UBXN2A: variants seen among roughly 807,000 people sequenced by gnomAD.
UBXN2A encodes the protein UBX domain-containing protein 2A.
A neutral mutation model predicts 28.4 loss-of-function variants in UBXN2A; 28 were observed. That is an observed-to-expected ratio of 0.99 (90% CI 0.73 to 1.35). UBXN2A has a LOEUF of 1.35. UBXN2A is among the 40% of genes most tolerant of loss of function. UBXN2A has a pLI of 0.00. For missense variants in UBXN2A, 253 were observed against 297.9 expected (o/e 0.85, Z 1.11); for synonymous variants, 97 against 103.6 (o/e 0.94, Z 0.39).
chr2:23,976,176 T>G (rs1707655206), intron 3 of UBXN2A, among the ~76,000 whole-genome samples: 1 of 152,214 alleles, frequency 6.6e-6, no homozygotes, highest in Non-Finnish European at 1.5e-5. Flanking sequence ...GTTATTTATA[T>G]CTGTAAAAGT....
At chr2:23,966,745 C>G (rs1707195109) in intron 2 of UBXN2A, among the ~76,000 whole-genome samples, 1 of 136,258 alleles carries the variant, frequency 7.3e-6, no homozygotes, top group Middle Eastern at 3.6e-3. Flanking sequence ...GCCACCGCGC[C>G]CGGCCTTTTT....
At chr2:23,986,176 G>C (rs538551462) in intron 6 of UBXN2A, among the ~76,000 whole-genome samples, 1 of 151,952 alleles carries the variant, frequency 6.6e-6, no homozygotes. Context: ...CGGGCGTGGT[G>C]GTGGGCGCCT....
rs911438707 is a variant in UBXN2A, at chr2:24,000,053, T to C, written c.*186T>C. ...GAAAGTAGCATATGACTGGAAACTA[T>C]ATTCAGTGCACTTTCTCCAAAAGAC... is the stretch of plus-strand genomic sequence containing the variant. On this transcript the variant is annotated 3_prime_UTR_variant, in exon 7 of 7. Coordinates refer to ENST00000309033, the MANE Select transcript of UBXN2A (RefSeq NM_181713.4). The C allele has an allele frequency of 2.8e-5, 16 of 567,228 alleles. No homozygotes were observed. Among genetic ancestry groups the C allele is most frequent in the Non-Finnish European group, 4.6e-5 (15 of 329,086 alleles). The allele number at this position is 567,228 out of a possible 1,614,324, so 35.1% of individuals were successfully genotyped here.
intron 4 of UBXN2A, among the ~76,000 whole-genome samples, chr2:23,979,929 TAA>T (rs1259881209): frequency 6.9e-6 from 1 of 145,926 alleles, no homozygotes. Context: ...TTTATTTATG[TAA>T]AAAAAAAAAC....
At position 23,971,180 on chromosome 2, in the gene UBXN2A, G is replaced by T. The variant is rs116026861; in HGVS notation, c.42-96G>T. On this transcript the variant is annotated intron_variant, in intron 2 of 6. Transcript: ENST00000309033. ...GAGGGCCTGAACTACAGACATGCAC[G>T]TAGCATCTAAGTTCAATATCCTTAA... 1.8e-3 allele frequency: 2,344 copies of T among 1,325,368 alleles called. 21 individuals carry two copies. The African/African-American group carries it at 0.02, about 11-fold the overall frequency. 82.1% of individuals were successfully genotyped at this position (1,325,368 alleles called of 1,614,324 possible).
Position 23,990,773 on chromosome 2 carries a change from C to CA in UBXN2A, c.584+5957dup, listed in dbSNP as rs765874247. The stretch of plus-strand genomic sequence containing the variant: ...TGGGTGACAGAGTGAGACTCCATCT[C>CA]AAAAAAAAAAAAAAAGTATTTGCTA... On this transcript the variant is annotated intron_variant, in intron 6 of 6. Transcript: ENST00000309033. Among the ~76,000 whole-genome samples, 514 of 99,688 alleles carry CA rather than the reference C, an allele frequency of 5.2e-3. 5 individuals are homozygous for CA. Among genetic ancestry groups the CA allele is most frequent in the Middle Eastern group, 0.04 (7 of 174 alleles). The allele number at this position is 99,688 out of a possible 152,430, so 65.4% of individuals were successfully genotyped here.
At chr2:23,986,242 G>A (rs1395024552) in intron 6 of UBXN2A, among the ~76,000 whole-genome samples, 5 of 151,776 alleles carry the variant, frequency 3.3e-5, no homozygotes, top group Admixed American at 6.6e-5. Context: ...CCCGGAAGGC[G>A]GAGCTTGCAG....
intron 6 of UBXN2A, 137 bp downstream of exon 6, chr2:23,984,968 CAT>C (rs1431570232): frequency 3.1e-5 from 26 of 849,558 alleles, no homozygotes; most frequent in Non-Finnish European, 1.7e-6. Flanking sequence ...GTGGCACAGT[CAT>C]AGCTCACTGC....
chr2:23,971,854 T>C (rs1043274898), intron 3 of UBXN2A, among the ~76,000 whole-genome samples: 21 of 151,964 alleles, frequency 1.4e-4, no homozygotes, highest in African/African-American at 5.1e-4. Context: ...ATCCCAGCAC[T>C]TTAGGAGACT....
intron 1 of UBXN2A, among the ~76,000 whole-genome samples, chr2:23,952,854 C>T (rs912049870): frequency 6.6e-6 from 1 of 152,068 alleles, no homozygotes; most frequent in African/African-American, 2.4e-5. Flanking sequence ...GCTGAGATTA[C>T]AGGTGTGAGC....
intron 1 of UBXN2A, among the ~76,000 whole-genome samples, chr2:23,943,526 C>T (rs1705872367): frequency 6.6e-6 from 1 of 151,972 alleles, no homozygotes; most frequent in South Asian, 2.1e-4. Flanking sequence ...TTGTTCTTGC[C>T]ACCCAGGTTG....
At position 23,971,407 on chromosome 2, in the gene UBXN2A, A is replaced by G. The variant is rs766104985; in HGVS notation, c.173A>G (p.Lys58Arg). The change falls in exon 3 of 7, where the codon AAG (lysine) becomes AGG (arginine). Residue 58 changes from lysine (K) to arginine (R), a missense_variant. Physicochemically the swap from Lys to Arg is conservative, Grantham distance 26. Coordinates refer to ENST00000309033, the MANE Select transcript of UBXN2A (RefSeq NM_181713.4). ...SSKCVSPAEQ[K>R]KQVDVNIKLW... ...AAATGTGTGTCTCCCGCTGAACAGA[A>G]GAAACAGGTAAATAAATGTCTATTA... 4 of 1,540,758 alleles carry G rather than the reference A, an allele frequency of 2.6e-6. No homozygotes were observed. In the African/African-American group the frequency reaches 5.4e-5, roughly 21 times the overall value.
At chr2:23,955,226 C>T (rs1385587152) in intron 1 of UBXN2A, among the ~76,000 whole-genome samples, 1 of 152,038 alleles carries the variant, frequency 6.6e-6, no homozygotes, top group Admixed American at 6.6e-5. Flanking sequence ...CCATCGCACC[C>T]GGCTGCTTGC....
intron 1 of UBXN2A, among the ~76,000 whole-genome samples, chr2:23,954,681 G>A (rs1436126297): frequency 1.2e-4 from 18 of 151,258 alleles, no homozygotes; most frequent in East Asian, 9.7e-4. Flanking sequence ...ATCTTTTCAC[G>A]TGCTTATTGG....
intron 6 of UBXN2A, among the ~76,000 whole-genome samples, chr2:23,991,785 G>GT (rs1160434747): frequency 1.3e-5 from 2 of 149,794 alleles, no homozygotes; most frequent in African/African-American, 2.5e-5. Context: ...TTTGTTTTTT[G>GT]TTTGTTTGTT....
intron 6 of UBXN2A, among the ~76,000 whole-genome samples, chr2:23,996,349 G>C (rs1327575998): frequency 2.6e-5 from 4 of 152,018 alleles, no homozygotes; most frequent in Admixed American, 6.6e-5. Flanking sequence ...GTACAGGCAT[G>C]AGTCACCATG....
chr2:23,989,306 C>CTTT (rs78978613), intron 6 of UBXN2A, among the ~76,000 whole-genome samples: 3 of 137,106 alleles, frequency 2.2e-5, no homozygotes, highest in African/African-American at 5.4e-5. Flanking sequence ...GTATTTATTC[C>CTTT]TTTTTTTTTT....
chr2:23,934,699 C>T (rs1185519671), intron 1 of UBXN2A, among the ~76,000 whole-genome samples: 4 of 152,086 alleles, frequency 2.6e-5, no homozygotes, highest in African/African-American at 9.7e-5. Context: ...AAAAAGTCAA[C>T]ACAGAAAGAA....
Position 23,999,660 on chromosome 2 carries a change from G to A in UBXN2A, c.585-12G>A. 1 of 1,587,990 alleles carries A rather than the reference G, an allele frequency of 6.3e-7. No individual in the cohort carries two copies. The highest frequency in any genetic ancestry group is 8.5e-7 in the Non-Finnish European group (1 of 1,173,636). ...TCCTAAAATTATATTAATAGTTTTT[G>A]CTGTTTTACAGAGTAAGCCATATCA... On this transcript the variant is annotated splice_polypyrimidine_tract_variant and intron_variant, in intron 6 of 6. Coordinates refer to ENST00000309033, the MANE Select transcript of UBXN2A (RefSeq NM_181713.4).
Sources: gnomAD v4.1 joint callset for allele counts (sites outside exome capture counted in the v4.1 genomes callset) on GRCh38, gnomAD v4.1.1 for gene constraint, MANE v1.5 for transcripts, NCBI Gene and HGNC (gene_info 2026-07-23, HGNC 2026-07-21) for gene names.